The following COL19A1 variants were observed in gnomAD, a reference collection of about 807,000 sequenced individuals.
The protein encoded by COL19A1 is collagen alpha-1(XIX) chain.
A neutral mutation model predicts 190.2 loss-of-function variants in COL19A1; 159 were observed. The ratio of observed to expected loss-of-function variants is 0.84; its 90% CI spans 0.73 to 0.95. The LOEUF (loss-of-function observed/expected upper bound fraction) is 0.95, where lower values mean the gene tolerates loss of function less well. Among genes scored for constraint, COL19A1 ranks in the 40% least tolerant of loss-of-function variants. The pLI, the probability that COL19A1 is intolerant of heterozygous loss-of-function variation, is 0.00. For missense variants in COL19A1, 1,418 were observed against 1,431.9 expected (o/e 0.99, Z 0.16); for synonymous variants, 509 against 458.9 (o/e 1.11, Z -1.39).
At chr6:69,967,925 A>G (rs1034285298) in intron 11 of COL19A1, among the ~76,000 whole-genome samples, 3 of 139,040 alleles carry the variant, frequency 2.2e-5, no homozygotes, top group African/African-American at 6.6e-5. Context: ...AACGTAGCGT[A>G]AAGTACACGT....
chr6:69,962,954 T>A, intron 11 of COL19A1, 84 bp downstream of exon 11: 2 of 1,078,288 alleles, frequency 1.9e-6, no homozygotes, highest in Non-Finnish European at 2.7e-6. Context: ...ACTTGTTTTG[T>A]GCATTCCCTA....
chr6:70,035,574 C>T (rs1232605772), intron 13 of COL19A1, among the ~76,000 whole-genome samples: 2 of 152,184 alleles, frequency 1.3e-5, no homozygotes, highest in Non-Finnish European at 2.9e-5. Flanking sequence ...CACTTCCCAG[C>T]TGCTTCATTG....
At chr6:70,188,352 A>T in intron 47 of COL19A1, 107 bp downstream of exon 47, 1 of 1,319,306 alleles carries the variant, frequency 7.6e-7, no homozygotes, top group Non-Finnish European at 1.0e-6. Context: ...ACAAACCTAA[A>T]CTGGTCCCCG....
chr6:69,948,880 A>C (rs2150032782), intron 9 of COL19A1, among the ~76,000 whole-genome samples: 1 of 151,978 alleles, frequency 6.6e-6, no homozygotes, highest in African/African-American at 2.4e-5. Flanking sequence ...TCTGAAAACC[A>C]AAATCCTCAG....
intron 14 of COL19A1, among the ~76,000 whole-genome samples, chr6:70,039,303 C>G (rs1342191370): frequency 3.3e-5 from 5 of 152,176 alleles, no homozygotes; most frequent in Non-Finnish European, 7.4e-5. Context: ...AGATCTTGAG[C>G]AAACATTTTG....
At chr6:70,064,946 C>G (rs536606717) in intron 14 of COL19A1, among the ~76,000 whole-genome samples, 12 of 151,804 alleles carry the variant, frequency 7.9e-5, no homozygotes. Context: ...CACTGCTCAA[C>G]GAAATAAAAG....
At chr6:70,070,426 CTAAAA>C (rs1781480906) in intron 15 of COL19A1, among the ~76,000 whole-genome samples, 4 of 151,994 alleles carry the variant, frequency 2.6e-5, no homozygotes, top group Non-Finnish European at 4.4e-5. Flanking sequence ...ATGTCAGAAA[CTAAAA>C]AATGTAATAG....
chr6:69,987,008 C>A (rs1173420030), intron 11 of COL19A1, among the ~76,000 whole-genome samples: 1 of 152,178 alleles, frequency 6.6e-6, no homozygotes, highest in Non-Finnish European at 1.5e-5. Flanking sequence ...GCAGCCTTGA[C>A]CTCTTGGGCT....
chr6:70,168,263 A>G lies in COL19A1; in HGVS notation c.2541+48A>G, dbSNP rs538651485. The G allele has an allele frequency of 6.9e-6, 11 of 1,583,616 alleles. No homozygotes were observed. The South Asian group carries it at 1.2e-4, about 17-fold the overall frequency. The stretch of plus-strand genomic sequence containing the variant: ...AAACACACTTTAGCTGAACAACCAC[A>G]ATGAAAAACAAACAATAAAAACCTC... On this transcript the variant is annotated intron_variant, in intron 39 of 50. Coordinates refer to ENST00000620364, the MANE Select transcript of COL19A1 (RefSeq NM_001858.6).
rs1765115554 is a variant in COL19A1, at chr6:70,165,881, A to G, written c.2401-60A>G. 1.0e-5 allele frequency: 15 copies of G among 1,438,318 alleles called. No individual in the cohort carries two copies. The Admixed American group carries it at 2.2e-4, about 21-fold the overall frequency. 89.1% of individuals were successfully genotyped at this position (1,438,318 alleles called of 1,614,324 possible). ...GGCTCTGTGATTAATTTCAGAAGAT[A>G]GTTTGTAAACCTGGGGTAGAAACGT... is the stretch of plus-strand genomic sequence containing the variant. On this transcript the variant is annotated intron_variant, in intron 36 of 50. Coordinates refer to ENST00000620364, the MANE Select transcript of COL19A1 (RefSeq NM_001858.6).
At position 70,207,157 on chromosome 6, in the gene COL19A1, G is replaced by T. The variant is rs764794700; in HGVS notation, c.3312G>T (p.Leu1104Phe). ...TTTTTATGTCGTTAGCTCTGGGTTT[G>T]CCAGGCTCACCAGGTGCCCCAGGCC... ...PGLPGTSALGLPGSPGAPGPQ... is the reference protein window; with the variant it reads ...PGLPGTSALGFPGSPGAPGPQ... Residue 1104 changes from leucine (L) to phenylalanine (F), a missense_variant, in exon 51 of 51, where the codon TTG becomes TTT. Coordinates refer to ENST00000620364, the MANE Select transcript of COL19A1 (RefSeq NM_001858.6). 6.2e-7 allele frequency: 1 copy of T among 1,613,010 alleles called. No individual in the cohort carries two copies. Among genetic ancestry groups the T allele is most frequent in the Admixed American group, 1.7e-5 (1 of 59,722 alleles).
At chr6:69,973,679 A>G (rs1436877590) in intron 11 of COL19A1, among the ~76,000 whole-genome samples, 1 of 152,240 alleles carries the variant, frequency 6.6e-6, no homozygotes, top group Non-Finnish European at 1.5e-5. Flanking sequence ...TAATACAATC[A>G]TCAAATATCC....
chr6:70,056,811 C>T (rs1780528804), intron 14 of COL19A1, among the ~76,000 whole-genome samples: 1 of 151,972 alleles, frequency 6.6e-6, no homozygotes, highest in Non-Finnish European at 1.5e-5. Context: ...GAGCATTTTT[C>T]TCCTCTTAAA....
chr6:70,025,289 C>T (rs1778673800), intron 12 of COL19A1, among the ~76,000 whole-genome samples: 1 of 152,170 alleles, frequency 6.6e-6, no homozygotes, highest in Non-Finnish European at 1.5e-5. Flanking sequence ...GTCGGCCTCC[C>T]AAAGTGCTGG....
At chr6:70,077,744 A>G in intron 15 of COL19A1, among the ~76,000 whole-genome samples, 1 of 152,260 alleles carries the variant, frequency 6.6e-6, no homozygotes, top group East Asian at 1.9e-4. Flanking sequence ...ACCGTGAGAA[A>G]GATGACTGCA....
chr6:70,207,399 A>G lies in COL19A1; in HGVS notation c.*125A>G. ...TTTTTTTTTTTTTTGGGAGTAAGCC[A>G]GGCATTAAAAGCAACCGTTTGAATC... On this transcript the variant is annotated 3_prime_UTR_variant, in exon 51 of 51. Transcript: ENST00000620364. 1 of 920,898 alleles carries G rather than the reference A, an allele frequency of 1.1e-6. No homozygotes were observed. The highest frequency in any genetic ancestry group is 3.2e-5 in the South Asian group (1 of 31,402). 57.0% of individuals were successfully genotyped at this position (920,898 alleles called of 1,614,324 possible). A position where few individuals can be genotyped will look rare whatever the true frequency, so the allele number is the denominator to read the frequency against.
intron 11 of COL19A1, among the ~76,000 whole-genome samples, chr6:69,980,453 A>G (rs914195655): frequency 4.6e-5 from 7 of 152,162 alleles, no homozygotes; most frequent in East Asian, 3.8e-4. Context: ...AAAGCAATAA[A>G]TACTTTACAT....
At chr6:70,004,923 C>G (rs989180912) in intron 11 of COL19A1, among the ~76,000 whole-genome samples, 1 of 151,862 alleles carries the variant, frequency 6.6e-6, no homozygotes, top group South Asian at 2.1e-4. Context: ...AGCTCTGCCC[C>G]CCGGGTTCAT....
intron 6 of COL19A1, among the ~76,000 whole-genome samples, chr6:69,930,908 C>T (rs150685377): frequency 2.0e-5 from 3 of 152,282 alleles, no homozygotes; most frequent in Non-Finnish European, 4.4e-5. Flanking sequence ...CGTGGTATTA[C>T]AGTGGTTTCA....
Sources: gnomAD v4.1 joint callset for allele counts (sites outside exome capture counted in the v4.1 genomes callset) on GRCh38, gnomAD v4.1.1 for gene constraint, MANE v1.5 for transcripts, NCBI Gene and HGNC (gene_info 2026-07-23, HGNC 2026-07-21) for gene names.